The following PRSS23 variants were observed in gnomAD, a reference collection of about 807,000 sequenced individuals.
The protein encoded by PRSS23 is serine protease 23, also known as protease, serine 23.
Under a neutral mutation model 34.7 loss-of-function variants are expected in PRSS23, and 25 were observed. The ratio of observed to expected loss-of-function variants is 0.72; its 90% CI spans 0.53 to 1.01. The LOEUF (loss-of-function observed/expected upper bound fraction) is 1.01. Ranked by LOEUF, PRSS23 falls within the 50% of genes least tolerant of loss-of-function variation. The pLI, the probability that PRSS23 is intolerant of heterozygous loss-of-function variation, is 0.00. For missense variants in PRSS23, 445 were observed against 475.6 expected, an observed-to-expected ratio of 0.94 and a Z score of 0.60; for synonymous variants, 176 against 186.6, an observed-to-expected ratio of 0.94 and a Z score of 0.46.
Position 86,833,180 on chromosome 11 carries a change from AG to A in PRSS23, c.206+9589del, listed in dbSNP as rs537563589. 134 of 1,015,864 alleles carry A rather than the reference AG, an allele frequency of 1.3e-4. No individual in the cohort carries two copies. In the African/African-American group the frequency reaches 1.8e-3, roughly 14 times the overall value. 62.9% of individuals were successfully genotyped at this position (1,015,864 alleles called of 1,614,324 possible). On this transcript the variant is annotated intron_variant, in intron 2 of 2. Transcript: ENST00000533902. ...GACATCTGAGTCAGGCAGCCTGCAT[AG>A]GAGATGACTCTGCTGTGAGATTGGA... is the stretch of plus-strand genomic sequence containing the variant.
intron 2 of PRSS23, among the ~76,000 whole-genome samples, chr11:86,904,389 G>A (rs1948929461): frequency 6.6e-6 from 1 of 151,992 alleles, no homozygotes; most frequent in Non-Finnish European, 1.5e-5. Flanking sequence ...TAGTAATCAT[G>A]AACTGCTTGT....
intron 2 of PRSS23, among the ~76,000 whole-genome samples, chr11:86,940,480 G>A (rs1019074445): frequency 2.6e-5 from 4 of 152,050 alleles, no homozygotes; most frequent in African/African-American, 7.3e-5. Flanking sequence ...GGCCTTCATG[G>A]TTTCTCATCC....
chr11:86,821,612 T>C, intron 1 of PRSS23: 1 of 1,602,344 alleles, frequency 6.2e-7, no homozygotes. Flanking sequence ...CCTTAAATGT[T>C]CATACTTCCA....
intron 2 of PRSS23, among the ~76,000 whole-genome samples, chr11:86,840,545 G>C (rs1356233648): frequency 6.6e-6 from 1 of 152,166 alleles, no homozygotes; most frequent in Non-Finnish European, 1.5e-5. Context: ...GTATTAGACA[G>C]ATCAACAAGA....
intron 2 of PRSS23, among the ~76,000 whole-genome samples, chr11:86,884,832 G>T (rs1948792286): frequency 6.6e-6 from 1 of 152,074 alleles, no homozygotes; most frequent in Admixed American, 6.6e-5. Flanking sequence ...GACCTTGAAT[G>T]GTGTTGCCTT....
At chr11:86,925,866 G>A (rs1949077483) in intron 2 of PRSS23, among the ~76,000 whole-genome samples, 1 of 152,146 alleles carries the variant, frequency 6.6e-6, no homozygotes, top group African/African-American at 2.4e-5. Flanking sequence ...TAGCAAATGT[G>A]CTACTTTTAA....
rs758340937 is a variant in PRSS23 at position 86,808,515 on chromosome 11, T to C, written c.872T>C (p.Val291Ala). Residue 291 changes from valine (V) to alanine (A), a missense_variant, in exon 2 of 2, where the codon GTG becomes GCG. Transcript: ENST00000280258. ...GACAATGACCGACCAGGCAATTTGG[T>C]GTATCGCTTCTGTGACGTCAAAGAC... ...GYDNDRPGNL[V>A]YRFCDVKDET... The C allele has an allele frequency of 2.5e-6, 4 of 1,614,216 alleles. No homozygotes were observed. The highest frequency in any genetic ancestry group is 2.2e-5 in the South Asian group (2 of 91,080).
intron 2 of PRSS23, among the ~76,000 whole-genome samples, chr11:86,868,060 C>G (rs950996203): frequency 6.8e-6 from 1 of 146,608 alleles, no homozygotes; most frequent in East Asian, 2.0e-4. Flanking sequence ...AAGCCAAAGG[C>G]CAAGGAGGAA....
intron 2 of PRSS23, chr11:86,933,075 A>G (rs1169891875): frequency 1.3e-5 from 2 of 152,248 alleles, no homozygotes; most frequent in Admixed American, 6.5e-5. Flanking sequence ...AGCAATACAA[A>G]AACAGGCAGG....
intron 2 of PRSS23, among the ~76,000 whole-genome samples, chr11:86,839,797 C>G (rs1485072623): frequency 6.6e-6 from 1 of 150,924 alleles, no homozygotes; most frequent in Non-Finnish European, 1.5e-5. Context: ...GGCCAATATT[C>G]AGCATTCCTA....
chr11:86,808,502 C>A lies in PRSS23; in HGVS notation c.859C>A (p.Pro287Thr), dbSNP rs1227552869. The change falls in exon 2 of 2, where the codon CCA becomes ACA. Residue 287 changes from proline to threonine, a missense_variant. By Grantham distance (38) the Pro-to-Thr change is conservative. Transcript: ENST00000280258. ...CTTCTCTGGTTATGACAATGACCGACCAGGCAATTTGGTGTATCGCTTCTG... is the reference window on the plus strand; with the variant it reads ...CTTCTCTGGTTATGACAATGACCGAACAGGCAATTTGGTGTATCGCTTCTG... The part of the protein sequence containing the change: ...IHFSGYDNDR[P>T]GNLVYRFCDV... 3 of 1,614,112 alleles carry A rather than the reference C, an allele frequency of 1.9e-6. No homozygotes were observed. The highest frequency in any genetic ancestry group is 2.5e-6 in the Non-Finnish European group (3 of 1,180,046).
At chr11:86,908,928 A>G (rs1220111188) in intron 2 of PRSS23, 1 of 151,812 alleles carries the variant, frequency 6.6e-6, no homozygotes, top group Non-Finnish European at 1.5e-5. Flanking sequence ...TTTGCATTTT[A>G]TCAAGATTCC....
intron 2 of PRSS23, among the ~76,000 whole-genome samples, chr11:86,882,330 T>G (rs1436978289): frequency 6.6e-6 from 1 of 152,166 alleles, no homozygotes; most frequent in Non-Finnish European, 1.5e-5. Context: ...AACCCATTAG[T>G]TATTTTTCCT....
chr11:86,917,982 T>C (rs2135000441), intron 2 of PRSS23, among the ~76,000 whole-genome samples: 2 of 152,336 alleles, frequency 1.3e-5, no homozygotes, highest in East Asian at 3.9e-4. Flanking sequence ...ATTCAGTATA[T>C]GCTAGATTAT....
At chr11:86,869,216 G>C (rs180917611) in intron 2 of PRSS23, among the ~76,000 whole-genome samples, 5 of 152,306 alleles carry the variant, frequency 3.3e-5, no homozygotes, top group Admixed American at 2.6e-4. Context: ...AGATTTGACA[G>C]AACATCGTTT....
chr11:86,830,486 GCA>G (rs1440352605), intron 2 of PRSS23, among the ~76,000 whole-genome samples: 2 of 152,038 alleles, frequency 1.3e-5, no homozygotes, highest in Non-Finnish European at 2.9e-5. Flanking sequence ...CGCACATGGT[GCA>G]CTGCACCCAC....
intron 2 of PRSS23, among the ~76,000 whole-genome samples, chr11:86,825,488 G>A (rs1263594496): frequency 6.6e-6 from 1 of 152,116 alleles, no homozygotes; most frequent in African/African-American, 2.4e-5. Flanking sequence ...AGTTTAATTA[G>A]ATCCCATTTG....
intron 2 of PRSS23, chr11:86,947,588 T>A (rs1342127049): frequency 6.6e-6 from 1 of 152,162 alleles, no homozygotes; most frequent in Non-Finnish European, 1.5e-5. Flanking sequence ...AGAAAGCATC[T>A]CTGAAATTAA....
intron 2 of PRSS23, among the ~76,000 whole-genome samples, chr11:86,873,772 A>T (rs1173043261): frequency 6.6e-6 from 1 of 152,178 alleles, no homozygotes; most frequent in Non-Finnish European, 1.5e-5. Context: ...TATCAGATGG[A>T]GGAAGCCAAT....
Sources: allele counts gnomAD v4.1 joint callset (sites outside exome capture counted in the v4.1 genomes callset), GRCh38; gene constraint gnomAD v4.1.1; transcripts MANE v1.5; gene names NCBI Gene and HGNC (gene_info 2026-07-23, HGNC 2026-07-21).